The following KSR2 variants were observed in gnomAD, a reference collection of about 807,000 sequenced individuals.
The protein encoded by KSR2 is kinase suppressor of ras 2.
A neutral mutation model predicts 107.8 loss-of-function variants in KSR2; 25 were observed. The ratio of observed to expected loss-of-function variants is 0.23; its 90% confidence interval spans 0.17 to 0.32. The LOEUF (loss-of-function observed/expected upper bound fraction) is 0.32. Ranked by LOEUF, KSR2 falls within the 10% of genes least tolerant of loss-of-function variation. The pLI is 1.00. For missense variants in KSR2, 887 were observed against 1,268.9 expected (o/e 0.70, Z 4.57); for synonymous variants, 480 against 507.0 (o/e 0.95, Z 0.71).
chr12:117,485,779 A>G, intron 14 of KSR2, 88 bp from the exon 15 acceptor site: 1 of 878,500 alleles, frequency 1.1e-6, no homozygotes, highest in Non-Finnish European at 1.9e-6. Flanking sequence ...AAATGATGGC[A>G]TAGACACGTG....
intron 5 of KSR2, among the ~76,000 whole-genome samples, chr12:117,647,411 G>A (rs956822651): frequency 6.6e-6 from 1 of 152,138 alleles, no homozygotes; most frequent in Non-Finnish European, 1.5e-5. Context: ...ACAGACTGAT[G>A]GGGCCAAGCC....
At chr12:117,955,294 T>A (rs545089080) in intron 1 of KSR2, among the ~76,000 whole-genome samples, 38 of 151,996 alleles carry the variant, frequency 2.5e-4, no homozygotes, top group African/African-American at 8.9e-4. Flanking sequence ...ACTCAGCTAA[T>A]TTTTTATTTT....
chr12:117,461,845 CA>C lies in KSR2; in HGVS notation c.*5353del. 6.6e-6 allele frequency: 1 copy of C among 152,132 alleles called. No individual in the cohort carries two copies. 9.4% of individuals were successfully genotyped at this position (152,132 alleles called of 1,614,324 possible). The stretch of plus-strand genomic sequence containing the variant: ...AACTTCCCCACATCACAGGCAAAGC[CA>C]AAAAAGGAAACAGCAAAATGTAGCT... On this transcript the variant is annotated 3_prime_UTR_variant, in exon 20 of 20. Coordinates refer to ENST00000339824, the MANE Select transcript of KSR2 (RefSeq NM_173598.6).
At chr12:117,605,510 C>CA (rs1804532914) in intron 5 of KSR2, among the ~76,000 whole-genome samples, 1 of 152,188 alleles carries the variant, frequency 6.6e-6, no homozygotes, top group Non-Finnish European at 1.5e-5. Context: ...TTAAGCCTAG[C>CA]ATGCATTAGC....
chr12:117,852,456 C>T (rs956979960), intron 3 of KSR2, among the ~76,000 whole-genome samples: 3 of 151,866 alleles, frequency 2.0e-5, no homozygotes, highest in Admixed American at 6.6e-5. Flanking sequence ...AAATAAAAAT[C>T]GGAGCACCAG....
intron 4 of KSR2, among the ~76,000 whole-genome samples, chr12:117,751,623 C>T (rs988489035): frequency 2.6e-5 from 4 of 152,100 alleles, no homozygotes; most frequent in Admixed American, 2.6e-4. Context: ...AGGGCATGTC[C>T]CCTGCAGACA....
chr12:117,913,923 C>G (rs964997024), intron 1 of KSR2, among the ~76,000 whole-genome samples: 1 of 152,156 alleles, frequency 6.6e-6, no homozygotes, highest in African/African-American at 2.4e-5. Context: ...AATCCAGCAT[C>G]CAACACACCA....
intron 3 of KSR2, among the ~76,000 whole-genome samples, chr12:117,800,865 C>T (rs1296380269): frequency 1.3e-5 from 2 of 151,890 alleles, no homozygotes; most frequent in African/African-American, 4.8e-5. Flanking sequence ...GTTTTCTGTT[C>T]CTGTGTTAGT....
At chr12:117,852,758 GAT>G (rs374423137) in intron 3 of KSR2, among the ~76,000 whole-genome samples, 18 of 152,280 alleles carry the variant, frequency 1.2e-4, no homozygotes, top group African/African-American at 3.4e-4. Context: ...TTTCTGGAAA[GAT>G]ATATGACAAT....
chr12:117,968,264 C>A lies in KSR2; in HGVS notation c.-9G>T. ...ATGTTTTCCTCATCCATCGCTTGCTCTGCAACCCCCTTCCCCTCCTCCTCC... is the reference window on the plus strand; with the variant it reads ...ATGTTTTCCTCATCCATCGCTTGCTATGCAACCCCCTTCCCCTCCTCCTCC... On this transcript the variant is annotated 5_prime_UTR_variant, in exon 1 of 20. Coordinates refer to ENST00000339824, the MANE Select transcript of KSR2 (RefSeq NM_173598.6). 1 of 1,545,640 alleles carries A rather than the reference C, an allele frequency of 6.5e-7. No homozygotes were observed. The highest frequency in any genetic ancestry group is 8.7e-7 in the Non-Finnish European group (1 of 1,147,654).
intron 4 of KSR2, among the ~76,000 whole-genome samples, chr12:117,729,341 G>A (rs1407712424): frequency 1.3e-5 from 2 of 152,014 alleles, no homozygotes; most frequent in Non-Finnish European, 2.9e-5. Context: ...CTTGCCATAG[G>A]GGTGACAAAT....
At chr12:117,932,657 G>A (rs1895726023) in intron 1 of KSR2, among the ~76,000 whole-genome samples, 1 of 152,170 alleles carries the variant, frequency 6.6e-6, no homozygotes, top group Admixed American at 6.5e-5. Flanking sequence ...AGGAGGTCGA[G>A]GCTGCAGTGA....
intron 5 of KSR2, among the ~76,000 whole-genome samples, chr12:117,656,963 GATATATATATATAATAGGATATATAT>G (rs1884191011): frequency 4.6e-4 from 41 of 88,842 alleles, no homozygotes; most frequent in Non-Finnish European, 7.7e-4. Context: ...TATATAATAG[GATATATATATATAATAGGATATATAT>G]ATATATATAT....
chr12:117,645,230 A>G (rs1565941959), intron 5 of KSR2, among the ~76,000 whole-genome samples: 1 of 152,238 alleles, frequency 6.6e-6, no homozygotes, highest in African/African-American at 2.4e-5. Flanking sequence ...AGAAAGAGAA[A>G]GAATGTGTGC....
At chr12:117,806,116 T>C (rs1890997883) in intron 3 of KSR2, among the ~76,000 whole-genome samples, 1 of 152,200 alleles carries the variant, frequency 6.6e-6, no homozygotes, top group African/African-American at 2.4e-5. Flanking sequence ...AGCGCCGTTT[T>C]AAACAACGTC....
intron 1 of KSR2, chr12:117,890,705 T>C (rs1894316061): frequency 6.6e-6 from 1 of 152,224 alleles, no homozygotes; most frequent in South Asian, 2.1e-4. Context: ...TCTTGCATTG[T>C]TTATATACCC....
intron 5 of KSR2, among the ~76,000 whole-genome samples, chr12:117,582,656 T>C (rs1879738567): frequency 6.6e-6 from 1 of 152,220 alleles, no homozygotes; most frequent in Admixed American, 6.5e-5. Context: ...GCTAAGTGAT[T>C]CGCATGCCTT....
chr12:117,803,566 G>C (rs570704214), intron 3 of KSR2, among the ~76,000 whole-genome samples: 2 of 152,106 alleles, frequency 1.3e-5, no homozygotes, highest in African/African-American at 2.4e-5. Context: ...AGCCGGACGT[G>C]GTGGCGGGAG....
At chr12:117,636,519 G>A (rs372479233) in intron 5 of KSR2, among the ~76,000 whole-genome samples, 1 of 152,104 alleles carries the variant, frequency 6.6e-6, no homozygotes, top group Non-Finnish European at 1.5e-5. Context: ...CTGAGTTAAG[G>A]TACACACCTG....
Sources: gnomAD v4.1 joint callset for allele counts (sites outside exome capture counted in the v4.1 genomes callset) on GRCh38, gnomAD v4.1.1 for gene constraint, MANE v1.5 for transcripts, NCBI Gene and HGNC (gene_info 2026-07-23, HGNC 2026-07-21) for gene names.